The following TMEM150A variants were observed in gnomAD, a reference collection of about 807,000 sequenced individuals.
TMEM150A encodes fasting-inducible integral membrane protein TM6P1.
A neutral mutation model predicts 29.8 loss-of-function variants in TMEM150A; 18 were observed. The ratio of observed to expected loss-of-function variants is 0.60; its 90% confidence interval spans 0.42 to 0.90. TMEM150A has a LOEUF of 0.90. TMEM150A is among the 40% of genes least tolerant of loss of function. The pLI, the probability that TMEM150A is intolerant of heterozygous loss-of-function variation, is 0.00. For synonymous variants in TMEM150A, 127 were observed against 143.6 expected, an observed-to-expected ratio of 0.88 and a Z score of 0.83; for missense variants, 251 against 349.7, an observed-to-expected ratio of 0.72 and a Z score of 2.25.
Position 85,599,198 on chromosome 2 carries a change from C to A in TMEM150A, c.694G>T (p.Val232Phe). Reference protein sequence around the residue: ...YGTFSYEFGAVSSDTLVAALQ... With the variant: ...YGTFSYEFGAFSSDTLVAALQ... ...GCAGCCACCAGTGTGTCTGAGGAGACTGCCCCAAACTCGTAGCTGAAGGTG... is the reference window on the plus strand; with the variant it reads ...GCAGCCACCAGTGTGTCTGAGGAGAATGCCCCAAACTCGTAGCTGAAGGTG... The change falls in exon 8 of 8, where the codon GTC becomes TTC. Residue 232 changes from valine (V) to phenylalanine (F), a missense_variant. Coordinates refer to ENST00000334462, the MANE Select transcript of TMEM150A (RefSeq NM_001031738.3). The surrounding 1 kb of genome is among the most constrained non-coding windows in gnomAD (Gnocchi z 6.0). The A allele has an allele frequency of 1.2e-6, 2 of 1,613,906 alleles. No homozygotes were observed. The highest frequency in any genetic ancestry group is 1.7e-6 in the Non-Finnish European group (2 of 1,180,014).
In TMEM150A at chr2:85,601,199, G is replaced by C; in HGVS notation, c.114-92C>G. On this transcript the variant is annotated intron_variant, in intron 3 of 7. Coordinates refer to ENST00000334462, the MANE Select transcript of TMEM150A (RefSeq NM_001031738.3). The surrounding 1 kb of genome is among the most constrained non-coding windows in gnomAD (Gnocchi z 4.0). ...AGGCCTCAAAGAGGACTCTCTCCCAGACCTCCCCTACAGGGACAGAAGATC... is the reference window on the plus strand; with the variant it reads ...AGGCCTCAAAGAGGACTCTCTCCCACACCTCCCCTACAGGGACAGAAGATC... 1 of 1,371,310 alleles carries C rather than the reference G, an allele frequency of 7.3e-7. No individual in the cohort carries two copies. Among genetic ancestry groups the C allele is most frequent in the Non-Finnish European group, 1.0e-6 (1 of 976,148 alleles). The allele number at this position is 1,371,310 out of a possible 1,614,324, so 84.9% of individuals were successfully genotyped here.
Position 85,601,671 on chromosome 2 carries a change from G to A in TMEM150A, c.66-189C>T, listed in dbSNP as rs1672969740. On this transcript the variant is annotated intron_variant, in intron 2 of 7. Transcript: ENST00000334462. The surrounding 1 kb of genome is among the most constrained non-coding windows in gnomAD (Gnocchi z 4.0). ...GCATGCCCCCAGCTACAGGCCCTCT[G>A]GAAATTGCCCTGGCTAGAAGTATAT... 1.2e-6 allele frequency: 1 copy of A among 849,174 alleles called. No homozygotes were observed. Among genetic ancestry groups the A allele is most frequent in the African/African-American group, 1.7e-5 (1 of 58,786 alleles). The allele number at this position is 849,174 out of a possible 1,614,324, so 52.6% of individuals were successfully genotyped here. A position where few individuals can be genotyped will look rare whatever the true frequency, so the allele number is the denominator to read the frequency against.
chr2:85,599,919 G>T lies in TMEM150A; in HGVS notation c.368C>A (p.Ala123Glu). The change falls in exon 6 of 8, where the codon GCG becomes GAG. Residue 123 changes from alanine to glutamate, a missense_variant. Transcript: ENST00000334462. This position sits in a 1 kb window ranked among gnomAD's most constrained non-coding sequence, Gnocchi z 6.0. Reference sequence around the variant, plus strand: ...AAAGTTGCCAACCACCAAGAGGCCCGCAGCGTTGGTGCAGCCTGTGATGAG... The same window carrying T: ...AAAGTTGCCAACCACCAAGAGGCCCTCAGCGTTGGTGCAGCCTGTGATGAG... ...TALITGCTNA[A>E]GLLVVGNFQV... 6.2e-7 allele frequency: 1 copy of T among 1,613,466 alleles called. No homozygotes were observed. The highest frequency in any genetic ancestry group is 8.5e-7 in the Non-Finnish European group (1 of 1,180,022).
At position 85,601,307 on chromosome 2, in the gene TMEM150A, TG is replaced by T; in HGVS notation, c.113+127del. The T allele has an allele frequency of 1.5e-6, 2 of 1,334,704 alleles. No homozygotes were observed. Among genetic ancestry groups the T allele is most frequent in the Non-Finnish European group, 2.2e-6 (2 of 926,422 alleles). 82.7% of individuals were successfully genotyped at this position (1,334,704 alleles called of 1,614,324 possible). A position where few individuals can be genotyped will look rare whatever the true frequency, so the allele number is the denominator to read the frequency against. On this transcript the variant is annotated intron_variant, in intron 3 of 7. Coordinates refer to ENST00000334462, the MANE Select transcript of TMEM150A (RefSeq NM_001031738.3). The surrounding 1 kb of genome is among the most constrained non-coding windows in gnomAD (Gnocchi z 4.0). Reference sequence around the variant, plus strand: ...TGGGTAGGTGGCAAGAAGCCATGCCTGGGGACCAATTTCAGAGAAGAGCAGT... The same window carrying T: ...TGGGTAGGTGGCAAGAAGCCATGCCTGGGACCAATTTCAGAGAAGAGCAGT...
rs866995045 is a variant in TMEM150A, at chr2:85,601,743, A to G, written c.65+141T>C. Reference sequence around the variant, plus strand: ...ACAGCAGTGGTGCCAGCTTGTCCCAAGGGGCTGTGTGCCCAGGCACCAAGT... The same window carrying G: ...ACAGCAGTGGTGCCAGCTTGTCCCAGGGGGCTGTGTGCCCAGGCACCAAGT... On this transcript the variant is annotated intron_variant, in intron 2 of 7. Coordinates refer to ENST00000334462, the MANE Select transcript of TMEM150A (RefSeq NM_001031738.3). The surrounding 1 kb of genome is among the most constrained non-coding windows in gnomAD (Gnocchi z 4.0). The G allele has an allele frequency of 7.6e-5, 79 of 1,040,072 alleles. 1 individual carries two copies. In the Middle Eastern group the frequency reaches 8.5e-4, roughly 11 times the overall value. 64.4% of individuals were successfully genotyped at this position (1,040,072 alleles called of 1,614,324 possible). A position where few individuals can be genotyped will look rare whatever the true frequency, so the allele number is the denominator to read the frequency against.
rs543689277 is a variant in TMEM150A at position 85,599,008 on chromosome 2, C to T, written c.*68G>A. ...TACTTTCTCAAAATTGTTTTTGGTA[C>T]GAAATAAATGGAAAGAAGATATGGG... is the stretch of plus-strand genomic sequence containing the variant. On this transcript the variant is annotated 3_prime_UTR_variant, in exon 8 of 8. Coordinates refer to ENST00000334462, the MANE Select transcript of TMEM150A (RefSeq NM_001031738.3). This position sits in a 1 kb window ranked among gnomAD's most constrained non-coding sequence, Gnocchi z 6.0. The T allele has an allele frequency of 2.1e-4, 333 of 1,569,042 alleles. 1 individual carries two copies. Among genetic ancestry groups the T allele is most frequent in the Middle Eastern group, 2.3e-4 (1 of 4,268 alleles).
At position 85,599,345 on chromosome 2, in the gene TMEM150A, T is replaced by C; in HGVS notation, c.575-28A>G. 1 of 1,612,032 alleles carries C rather than the reference T, an allele frequency of 6.2e-7. No individual in the cohort carries two copies. On this transcript the variant is annotated intron_variant, in intron 7 of 7. Transcript: ENST00000334462. This position sits in a 1 kb window ranked among gnomAD's most constrained non-coding sequence, Gnocchi z 6.0. The stretch of plus-strand genomic sequence containing the variant: ...AAAACGAGGCTAAGGAAATGTTCAG[T>C]AGGACATACGGAAACCTGGCAACAC...
At position 85,598,864 on chromosome 2, in the gene TMEM150A, G is replaced by A. The variant is rs539171439; in HGVS notation, c.*212C>T. 1.3e-5 allele frequency: 9 copies of A among 682,488 alleles called. No individual in the cohort carries two copies. Among genetic ancestry groups the A allele is most frequent in the African/African-American group, 1.1e-4 (6 of 55,446 alleles). The allele number at this position is 682,488 out of a possible 1,614,324, so 42.3% of individuals were successfully genotyped here. ...TGACCTTTAAAAACAAAACGACACC[G>A]TGGGGTGGGGAAGCAGGTCATGCAG... is the stretch of plus-strand genomic sequence containing the variant. On this transcript the variant is annotated 3_prime_UTR_variant, in exon 8 of 8. Transcript: ENST00000334462.
intron 5 of TMEM150A, 64 bp from the exon 6 acceptor site, chr2:85,600,082 G>C (rs1279283376): frequency 6.3e-7 from 1 of 1,594,386 alleles, no homozygotes; most frequent in East Asian, 2.2e-5. Flanking sequence ...GAGCCTGTCA[G>C]CTTCCCCCAG....
In TMEM150A at chr2:85,601,280, A is replaced by C. The variant is rs945067462; in HGVS notation, c.113+155T>G. On this transcript the variant is annotated intron_variant, in intron 3 of 7. Coordinates refer to ENST00000334462, the MANE Select transcript of TMEM150A (RefSeq NM_001031738.3). The surrounding 1 kb of genome is among the most constrained non-coding windows in gnomAD (Gnocchi z 4.0). The stretch of plus-strand genomic sequence containing the variant: ...CCAAAGGGGCAAAGGGATAGTGGGA[A>C]GTGGGTAGGTGGCAAGAAGCCATGC... The C allele has an allele frequency of 9.4e-6, 11 of 1,169,224 alleles. No individual in the cohort carries two copies. Among genetic ancestry groups the C allele is most frequent in the Admixed American group, 5.2e-5 (3 of 57,838 alleles). 72.4% of individuals were successfully genotyped at this position (1,169,224 alleles called of 1,614,324 possible).
Position 85,600,030 on chromosome 2 carries a change from G to T in TMEM150A, c.269-12C>A. ...GCAGATCAGGGCCACTGGGGGAGGA[G>T]AGCACAGTTGAGGCCTTCCTCCAGC... On this transcript the variant is annotated splice_polypyrimidine_tract_variant and intron_variant, in intron 5 of 7. Coordinates refer to ENST00000334462, the MANE Select transcript of TMEM150A (RefSeq NM_001031738.3). The T allele has an allele frequency of 6.2e-7, 1 of 1,611,028 alleles. No homozygotes were observed. Among genetic ancestry groups the T allele is most frequent in the South Asian group, 1.1e-5 (1 of 90,918 alleles).
Position 85,598,929 on chromosome 2 carries a change from T to G in TMEM150A, c.*147A>C, listed in dbSNP as rs1573356785. 1.7e-6 allele frequency: 2 copies of G among 1,194,056 alleles called. No homozygotes were observed. Among genetic ancestry groups the G allele is most frequent in the Non-Finnish European group, 2.3e-6 (2 of 871,768 alleles). The allele number at this position is 1,194,056 out of a possible 1,614,324, so 74.0% of individuals were successfully genotyped here. On this transcript the variant is annotated 3_prime_UTR_variant, in exon 8 of 8. Transcript: ENST00000334462. ...AGGGCCCACTCCTCCATGGCACAGG[T>G]GGGCATGGGATGGCCACTTCTCCAG...
At position 85,601,358 on chromosome 2, in the gene TMEM150A, C is replaced by T. The variant is rs144789239; in HGVS notation, c.113+77G>A. On this transcript the variant is annotated intron_variant, in intron 3 of 7. Transcript: ENST00000334462. The surrounding 1 kb of genome is among the most constrained non-coding windows in gnomAD (Gnocchi z 4.0). The stretch of plus-strand genomic sequence containing the variant: ...TGAGGCTCAGGGTTGCAGTCTGGCT[C>T]GTGGCAGCCTCAGGCCCAAGAGGGG... 1.8e-5 allele frequency: 28 copies of T among 1,573,782 alleles called. No individual in the cohort carries two copies. In the East Asian group the frequency reaches 4.9e-4, roughly 28 times the overall value.
Position 85,601,723 on chromosome 2 carries a change from A to G in TMEM150A, c.65+161T>C. 1.1e-6 allele frequency: 1 copy of G among 924,406 alleles called. No individual in the cohort carries two copies. Among genetic ancestry groups the G allele is most frequent in the Non-Finnish European group, 1.7e-6 (1 of 586,428 alleles). The allele number at this position is 924,406 out of a possible 1,614,324, so 57.3% of individuals were successfully genotyped here. A position where few individuals can be genotyped will look rare whatever the true frequency, so the allele number is the denominator to read the frequency against. On this transcript the variant is annotated intron_variant, in intron 2 of 7. Coordinates refer to ENST00000334462, the MANE Select transcript of TMEM150A (RefSeq NM_001031738.3). This position sits in a 1 kb window ranked among gnomAD's most constrained non-coding sequence, Gnocchi z 4.0. ...TGTCAGGGCCACCCTGCTGGACAGC[A>G]GTGGTGCCAGCTTGTCCCAAGGGGC...
rs756803098 is a variant in TMEM150A, at chr2:85,601,129, A to T, written c.114-22T>A. 1.2e-6 allele frequency: 2 copies of T among 1,610,596 alleles called. No individual in the cohort carries two copies. Among genetic ancestry groups the T allele is most frequent in the Non-Finnish European group, 1.7e-6 (2 of 1,178,608 alleles). ...GGACCTGGCAGGCAGGACAGGGAGT[A>T]GACTGGGGGAAGGGACTGCCCCCAG... On this transcript the variant is annotated intron_variant, in intron 3 of 7. Coordinates refer to ENST00000334462, the MANE Select transcript of TMEM150A (RefSeq NM_001031738.3). The surrounding 1 kb of genome is among the most constrained non-coding windows in gnomAD (Gnocchi z 4.0).
Position 85,599,229 on chromosome 2 carries a change from GA to G in TMEM150A, c.662del (p.Phe221SerfsTer50). 6.2e-7 allele frequency: 1 copy of G among 1,614,022 alleles called. No homozygotes were observed. Reference sequence around the variant, plus strand: ...CAAACTCGTAGCTGAAGGTGCCATAGAAAATGAGGATATCGATGACACACAC... The same window carrying G: ...CAAACTCGTAGCTGAAGGTGCCATAGAAATGAGGATATCGATGACACACAC... Reference protein sequence around the residue: ...EWVCVIDILIFYGTFSYEFGA... With the variant: ...EWVCVIDILIXYGTFSYEFGA... On this transcript the variant is annotated frameshift_variant, in exon 8 of 8. Transcript: ENST00000334462. LOFTEE classifies it high-confidence loss of function. This position sits in a 1 kb window ranked among gnomAD's most constrained non-coding sequence, Gnocchi z 6.0.
At position 85,602,192 on chromosome 2, in the gene TMEM150A, C is replaced by T. The variant is rs1367796025; in HGVS notation, c.-116-128G>A. 6.2e-6 allele frequency: 3 copies of T among 484,356 alleles called. No homozygotes were observed. Among genetic ancestry groups the T allele is most frequent in the Non-Finnish European group, 1.1e-5 (3 of 262,872 alleles). 30.0% of individuals were successfully genotyped at this position (484,356 alleles called of 1,614,324 possible). On this transcript the variant is annotated intron_variant, in intron 1 of 7. Coordinates refer to ENST00000334462, the MANE Select transcript of TMEM150A (RefSeq NM_001031738.3). The surrounding 1 kb of genome is among the most constrained non-coding windows in gnomAD (Gnocchi z 5.6). The stretch of plus-strand genomic sequence containing the variant: ...TCCAAAGTTTGGGCTGAGCCCACGG[C>T]AGAACGTGAACACCCTCTGGCACTG...
chr2:85,599,982 A>G lies in TMEM150A; in HGVS notation c.305T>C (p.Leu102Pro). The change falls in exon 6 of 8, where the codon CTG (leucine) becomes CCG (proline). Residue 102 changes from leucine (L) to proline (P), a missense_variant. By Grantham distance (98) the Leu-to-Pro change is moderately conservative. Coordinates refer to ENST00000334462, the MANE Select transcript of TMEM150A (RefSeq NM_001031738.3). This position sits in a 1 kb window ranked among gnomAD's most constrained non-coding sequence, Gnocchi z 6.0. ...LICLLRYGQLLEQSRHSWVNT... is the reference protein window; with the variant it reads ...LICLLRYGQLPEQSRHSWVNT... ...AACCCAAGAGTGCCGACTCTGCTCC[A>G]GGAGCTGCCCGTAGCGCAGGAGGCA... 6.2e-7 allele frequency: 1 copy of G among 1,613,130 alleles called. No homozygotes were observed.
chr2:85,600,734 G>C (rs1672888226), intron 4 of TMEM150A: 1 of 550,942 alleles, frequency 1.8e-6, no homozygotes, highest in Non-Finnish European at 3.2e-6. Context: ...TTAAATCCAG[G>C]TGCCTCCGCT....
Sources: allele counts gnomAD v4.1 joint callset, GRCh38; gene constraint gnomAD v4.1.1; non-coding constraint Gnocchi (gnomAD v3.1); transcripts MANE v1.5; gene names NCBI Gene and HGNC (gene_info 2026-07-23, HGNC 2026-07-21).